RBP4: variants seen among roughly 807,000 people sequenced by gnomAD.
RBP4 encodes the protein retinol-binding protein 4.
A neutral mutation model predicts 26.2 loss-of-function variants in RBP4; 9 were observed. That is an observed-to-expected ratio of 0.34 (90% CI 0.21 to 0.60). RBP4 has a LOEUF of 0.60. Among genes scored for constraint, RBP4 ranks in the 20% least tolerant of loss-of-function variants. The probability of loss-of-function intolerance (pLI) is 0.80; values close to 1 mark genes in which losing one functional copy is unlikely to be tolerated. For synonymous variants in RBP4, 114 were observed against 111.0 expected (o/e 1.03, Z -0.17); for missense variants, 244 against 271.3 (o/e 0.90, Z 0.71).
upstream of RBP4, chr10:93,601,420 G>C (rs2058338873): frequency 1.5e-6 from 2 of 1,297,768 alleles, no homozygotes; most frequent in Non-Finnish European, 2.0e-6. Context: ...GACAGCCTCG[G>C]GCACAGTGGA....
At chr10:93,601,336 C>A (rs535723429), upstream of RBP4, 1 of 1,232,070 alleles carries the variant, frequency 8.1e-7, no homozygotes, top group Middle Eastern at 3.2e-4. Flanking sequence ...GCGCCGGGGG[C>A]ACTTGCATAA....
In RBP4 at chr10:93,601,019, C is replaced by G. The variant is rs759490328; in HGVS notation, c.10G>C (p.Val4Leu). Reference sequence around the variant, plus strand: ...GCCGCCAACAGCAAGAGCGCCCACACCCACTTCATCTTGCCCAGGAATCCG... The same window carrying G: ...GCCGCCAACAGCAAGAGCGCCCACAGCCACTTCATCTTGCCCAGGAATCCG... MKW[V>L]WALLLLAALG... The change falls in exon 2 of 6, where the codon GTG becomes CTG. Residue 4 changes from valine to leucine, a missense_variant. Coordinates refer to ENST00000371464, the MANE Select transcript of RBP4 (RefSeq NM_006744.4). 1 of 1,611,158 alleles carries G rather than the reference C, an allele frequency of 6.2e-7. No individual in the cohort carries two copies. Among genetic ancestry groups the G allele is most frequent in the Admixed American group, 1.7e-5 (1 of 60,000 alleles).
chr10:93,597,293 T>A (rs1384515543), intron 4 of RBP4, among the ~76,000 whole-genome samples: 2 of 152,184 alleles, frequency 1.3e-5, no homozygotes, highest in African/African-American at 4.8e-5. Context: ...ACTAGCAGAG[T>A]GACAGACTTC....
intron 5 of RBP4, 48 bp downstream of exon 5, chr10:93,593,775 C>G: frequency 1.3e-6 from 2 of 1,595,390 alleles, no homozygotes; most frequent in Non-Finnish European, 1.7e-6. Context: ...TTAGTCCAAA[C>G]CCACTGCCCT....
At position 93,593,989 on chromosome 10, in the gene RBP4, C is replaced by T. The variant is rs144281277; in HGVS notation, c.402G>A (p.Val134=). Reference sequence around the variant, plus strand: ...GGTTCAGGAGGCGGCAGGAGTACTGCACGGCATACGTGTCGTAGTCTGTGT... The same window carrying T: ...GGTTCAGGAGGCGGCAGGAGTACTGTACGGCATACGTGTCGTAGTCTGTGT... ...IVDTDYDTYA[V]QYSCRLLNLD... Residue 134 remains valine, a synonymous_variant, in exon 5 of 6, where the codon GTG becomes GTA. Coordinates refer to ENST00000371464, the MANE Select transcript of RBP4 (RefSeq NM_006744.4). 6.2e-7 allele frequency: 1 copy of T among 1,613,910 alleles called. No individual in the cohort carries two copies. Among genetic ancestry groups the T allele is most frequent in the Admixed American group, 1.7e-5 (1 of 60,022 alleles).
At chr10:93,598,939 T>C (rs1036655637) in intron 4 of RBP4, among the ~76,000 whole-genome samples, 27 of 152,166 alleles carry the variant, frequency 1.8e-4, no homozygotes, top group African/African-American at 6.5e-4. Flanking sequence ...GGATAATAAA[T>C]AAAAATAAAG....
In RBP4 at chr10:93,600,747, C is replaced by G; in HGVS notation, c.168G>C (p.Gln56His). Residue 56 changes from glutamine to histidine, a missense_variant, in exon 3 of 6, where the codon CAG (glutamine) becomes CAC (histidine). Gln to His is a conservative substitution (Grantham distance 24). Transcript: ENST00000371464. ...AKKDPEGLFL[Q>H]DNIVAEFSVD... is the part of the protein sequence containing the mutation. ...CGGAGAACTCCGCGACGATGTTGTC[C>G]TGCAGAAAGAGGCCCTCGGGGTCCT... is the stretch of plus-strand genomic sequence containing the variant. 1 of 1,611,688 alleles carries G rather than the reference C, an allele frequency of 6.2e-7. No individual in the cohort carries two copies. The highest frequency in any genetic ancestry group is 8.5e-7 in the Non-Finnish European group (1 of 1,179,006).
At chr10:93,601,106 T>G in intron 1 of RBP4, 60 bp from the exon 2 acceptor site, 1 of 1,504,114 alleles carries the variant, frequency 6.6e-7, no homozygotes, top group Non-Finnish European at 8.9e-7. Flanking sequence ...GTATCCCACC[T>G]CACCCCACCC....
Position 93,600,765 on chromosome 10 carries a change from G to A in RBP4, c.150C>T (p.Pro50=). ...GTWYAMAKKD[P]EGLFLQDNIV... ...TGTTGTCCTGCAGAAAGAGGCCCTC[G>A]GGGTCCTTCTTGGCCATGGCGTACC... Residue 50 remains proline (P), a synonymous_variant, in exon 3 of 6, where the codon CCC becomes CCT. Transcript: ENST00000371464. 1.9e-6 allele frequency: 3 copies of A among 1,611,884 alleles called. No individual in the cohort carries two copies. Among genetic ancestry groups the A allele is most frequent in the African/African-American group, 1.3e-5 (1 of 75,008 alleles).
chr10:93,591,988 A>G lies in RBP4; in HGVS notation c.*87T>C. On this transcript the variant is annotated 3_prime_UTR_variant, in exon 6 of 6. Coordinates refer to ENST00000371464, the MANE Select transcript of RBP4 (RefSeq NM_006744.4). ...GGGAACTGAGGGAAGATGGGGAGAG[A>G]AGGGCAAATTAAACTCCTAAGATAA... 8.9e-7 allele frequency: 1 copy of G among 1,129,356 alleles called. No individual in the cohort carries two copies. Among genetic ancestry groups the G allele is most frequent in the Non-Finnish European group, 1.4e-6 (1 of 740,110 alleles). The allele number at this position is 1,129,356 out of a possible 1,614,324, so 70.0% of individuals were successfully genotyped here.
chr10:93,593,818 C>G lies in RBP4; in HGVS notation c.568+5G>C, dbSNP rs757077488. On this transcript the variant is annotated splice_donor_5th_base_variant and intron_variant, in intron 5 of 5. Coordinates refer to ENST00000371464, the MANE Select transcript of RBP4 (RefSeq NM_006744.4). ...GAGCCAGAAGGCACCCTGCTCCTGACTCACCGTTGTGGACGATCAGCCTGT... is the reference window on the plus strand; with the variant it reads ...GAGCCAGAAGGCACCCTGCTCCTGAGTCACCGTTGTGGACGATCAGCCTGT... The G allele has an allele frequency of 3.7e-6, 6 of 1,611,330 alleles. No homozygotes were observed. The Admixed American group carries it at 8.3e-5, about 22-fold the overall frequency.
intron 4 of RBP4, among the ~76,000 whole-genome samples, chr10:93,599,945 C>A (rs1353454104): frequency 6.6e-6 from 1 of 152,130 alleles, no homozygotes; most frequent in Non-Finnish European, 1.5e-5. Flanking sequence ...GAGGCATCCA[C>A]CCCTATGCAC....
chr10:93,601,330 C>T, upstream of RBP4: 3 of 1,227,176 alleles, frequency 2.4e-6, no homozygotes, highest in Non-Finnish European at 3.0e-6. Flanking sequence ...GGGGAGGCGC[C>T]GGGGGCACTT....
chr10:93,593,572 A>G lies in RBP4; in HGVS notation c.568+251T>C, dbSNP rs145814965. Among the ~76,000 whole-genome samples, 408 of 152,256 alleles carry G rather than the reference A, an allele frequency of 2.7e-3. 2 individuals carry two copies. The highest frequency in any genetic ancestry group is 9.4e-3 in the African/African-American group (392 of 41,544). Reference sequence around the variant, plus strand: ...GCCCGAGGAAGCAGAATAAAAAGAAAAGAGAGCCCACGGCAGTGTTAGTGC... The same window carrying G: ...GCCCGAGGAAGCAGAATAAAAAGAAGAGAGAGCCCACGGCAGTGTTAGTGC... On this transcript the variant is annotated intron_variant, in intron 5 of 5. Transcript: ENST00000371464.
chr10:93,599,141 CA>C (rs1315745533), intron 4 of RBP4, among the ~76,000 whole-genome samples: 1 of 151,334 alleles, frequency 6.6e-6, no homozygotes, highest in Non-Finnish European at 1.5e-5. Flanking sequence ...TCCAGCTACT[CA>C]GGAGGCTGAG....
intron 4 of RBP4, 55 bp downstream of exon 4, chr10:93,600,338 T>G: frequency 6.8e-7 from 1 of 1,476,798 alleles, no homozygotes; most frequent in Non-Finnish European, 9.5e-7. Flanking sequence ...AACCCAGCGA[T>G]TTGGCCCGGT....
At chr10:93,594,656 G>A (rs1240790561) in intron 4 of RBP4, among the ~76,000 whole-genome samples, 1 of 152,142 alleles carries the variant, frequency 6.6e-6, no homozygotes, top group East Asian at 1.9e-4. Context: ...GAGGACACAA[G>A]AGGCCCACCA....
At chr10:93,598,954 T>C (rs1353910251) in intron 4 of RBP4, among the ~76,000 whole-genome samples, 1 of 152,236 alleles carries the variant, frequency 6.6e-6, no homozygotes, top group Non-Finnish European at 1.5e-5. Context: ...ATAAAGCTTC[T>C]AAGCTTTTTC....
chr10:93,598,889 G>A (rs1253763124), intron 4 of RBP4, among the ~76,000 whole-genome samples: 1 of 152,210 alleles, frequency 6.6e-6, no homozygotes, highest in Non-Finnish European at 1.5e-5. Context: ...ACTTTGGGAT[G>A]TTTTGCTGCA....
Sources: allele counts gnomAD v4.1 joint callset (sites outside exome capture counted in the v4.1 genomes callset), GRCh38; gene constraint gnomAD v4.1.1; transcripts MANE v1.5; gene names NCBI Gene and HGNC (gene_info 2026-07-23, HGNC 2026-07-21).